IQANK1: variants seen among roughly 807,000 people sequenced by gnomAD.
IQANK1 encodes the protein IQ motif and ankyrin repeat containing 1.
A neutral mutation model predicts 22.6 loss-of-function variants in IQANK1; 30 were observed. The ratio of observed to expected loss-of-function variants is 1.33; its 90% CI spans 0.99 to 1.80. The LOEUF is 1.80. Ranked by LOEUF, IQANK1 falls within the 40% of genes most tolerant of loss-of-function variation. The probability of loss-of-function intolerance (pLI) is 0.00; values close to 1 mark genes in which losing one functional copy is unlikely to be tolerated. For synonymous variants in IQANK1, 122 were observed against 99.6 expected (o/e 1.23, Z -1.34); for missense variants, 275 against 235.2 (o/e 1.17, Z -1.11).
rs561670078 is a variant in IQANK1, at chr8:143,757,795, C to A, written c.176-13693C>A. ...TTTTGAGTAGCTAGGATTTTACAGG[C>A]CACTGTGCCTGGTGTATTTCATCTT... On this transcript the variant is annotated intron_variant, in intron 3 of 13. Coordinates refer to ENST00000527139, the MANE Select transcript of IQANK1 (RefSeq NM_001381874.1). Among the ~76,000 whole-genome samples, 121 of 152,262 alleles carry A rather than the reference C, an allele frequency of 7.9e-4. 1 individual carries two copies. Among genetic ancestry groups the A allele is most frequent in the African/African-American group, 2.8e-3 (117 of 41,560 alleles).
At chr8:143,734,900 C>T (rs1554625442) in intron 1 of IQANK1, among the ~76,000 whole-genome samples, 1 of 151,792 alleles carries the variant, frequency 6.6e-6, no homozygotes, top group East Asian at 1.9e-4. Context: ...CCAGGTCCCC[C>T]TCAGGCCCTC....
intron 3 of IQANK1, among the ~76,000 whole-genome samples, chr8:143,748,962 T>C: frequency 8.6e-6 from 1 of 115,740 alleles, no homozygotes; most frequent in South Asian, 2.5e-4. Context: ...TATATAAATA[T>C]ATATCATATA....
chr8:143,764,789 A>C (rs1554629106), intron 3 of IQANK1, among the ~76,000 whole-genome samples: 1 of 152,242 alleles, frequency 6.6e-6, no homozygotes, highest in Non-Finnish European at 1.5e-5. Context: ...TTTTAAAAAT[A>C]AAATGTTAAA....
chr8:143,789,334 G>A (rs1274788527), intron 9 of IQANK1, 91 bp downstream of exon 9: 4 of 526,774 alleles, frequency 7.6e-6, no homozygotes, highest in Non-Finnish European at 5.8e-6. Context: ...GAAGCTGGGG[G>A]AAGAGCCAGG....
intron 3 of IQANK1, among the ~76,000 whole-genome samples, chr8:143,761,171 G>C (rs1359878529): frequency 2.6e-5 from 4 of 152,196 alleles, no homozygotes; most frequent in Admixed American, 6.5e-5. Context: ...CCGCGCGCCC[G>C]AGAAGGGACC....
At chr8:143,738,682 G>A (rs984943012) in intron 2 of IQANK1, among the ~76,000 whole-genome samples, 2 of 152,176 alleles carry the variant, frequency 1.3e-5, no homozygotes, top group Non-Finnish European at 2.9e-5. Flanking sequence ...TGCCCTGGGC[G>A]GCACCAATGC....
chr8:143,749,182 T>C (rs1554627703), intron 3 of IQANK1, among the ~76,000 whole-genome samples: 1 of 123,408 alleles, frequency 8.1e-6, no homozygotes, highest in African/African-American at 3.3e-5. Flanking sequence ...ATATAATATA[T>C]AAATATATAT....
chr8:143,789,098 C>G (rs1251778326), intron 8 of IQANK1, 35 bp downstream of exon 8: 2 of 401,456 alleles, frequency 5.0e-6, no homozygotes, highest in African/African-American at 4.1e-5. Flanking sequence ...GCGAGGGGTG[C>G]TGGCAAGGGG....
chr8:143,777,332 A>G (rs1554630515), intron 7 of IQANK1, among the ~76,000 whole-genome samples: 1 of 151,866 alleles, frequency 6.6e-6, no homozygotes, highest in African/African-American at 2.4e-5. Context: ...GCTGGCTAAC[A>G]TGGTGAAACC....
intron 3 of IQANK1, among the ~76,000 whole-genome samples, chr8:143,741,053 C>T (rs1173117155): frequency 6.6e-6 from 1 of 152,174 alleles, no homozygotes; most frequent in Non-Finnish European, 1.5e-5. Flanking sequence ...CGAGGCTCTG[C>T]CCGGGACCGT....
At chr8:143,759,877 C>T (rs1044141552) in intron 3 of IQANK1, 1 of 152,224 alleles carries the variant, frequency 6.6e-6, no homozygotes, top group Admixed American at 6.5e-5. Context: ...CCCTGTGGGT[C>T]ACAGAGCTGA....
chr8:143,786,108 A>G (rs923990525), intron 7 of IQANK1, among the ~76,000 whole-genome samples: 7 of 150,346 alleles, frequency 4.7e-5, no homozygotes, highest in Admixed American at 1.3e-4. Context: ...AGCAATCTGC[A>G]TGCCTCAGCC....
intron 3 of IQANK1, among the ~76,000 whole-genome samples, chr8:143,741,071 C>T (rs931442200): frequency 1.3e-5 from 2 of 152,322 alleles, no homozygotes; most frequent in South Asian, 4.1e-4. Flanking sequence ...CGTCTCCAAT[C>T]ATTCCTGTGT....
In IQANK1 at chr8:143,777,117, C is replaced by T. The variant is rs533341349; in HGVS notation, c.789+4635C>T. 2.2e-4 allele frequency among the ~76,000 whole-genome samples: 34 copies of T among 151,794 alleles called. No individual in the cohort carries two copies. The South Asian group carries it at 6.9e-3, about 31-fold the overall frequency. ...CTCCAGCCTGGGCGACAGAGCAAGACCCTATATAAGACACACACATATATA... is the reference window on the plus strand; with the variant it reads ...CTCCAGCCTGGGCGACAGAGCAAGATCCTATATAAGACACACACATATATA... On this transcript the variant is annotated intron_variant, in intron 7 of 13. Transcript: ENST00000527139.
intron 3 of IQANK1, among the ~76,000 whole-genome samples, chr8:143,750,907 T>A (rs782380259): frequency 6.6e-6 from 1 of 152,078 alleles, no homozygotes; most frequent in Non-Finnish European, 1.5e-5. Flanking sequence ...GCCATATAAC[T>A]TTTTTTGTCC....
intron 3 of IQANK1, among the ~76,000 whole-genome samples, chr8:143,767,850 A>G (rs1433792440): frequency 1.5e-5 from 2 of 133,510 alleles, no homozygotes; most frequent in African/African-American, 5.6e-5. Context: ...GAGCCACTGC[A>G]CTCCAGCCTG....
intron 7 of IQANK1, among the ~76,000 whole-genome samples, chr8:143,785,734 T>TC (rs1819873627): frequency 6.7e-6 from 1 of 150,014 alleles, no homozygotes; most frequent in African/African-American, 2.4e-5. Flanking sequence ...TATTTTTTTT[T>TC]TTTTTTCTCT....
chr8:143,736,157 T>TG (rs1478990620), intron 2 of IQANK1, among the ~76,000 whole-genome samples: 1 of 151,762 alleles, frequency 6.6e-6, no homozygotes, highest in African/African-American at 2.4e-5. Context: ...TTTTTTTTTT[T>TG]TGAGACGGAG....
At chr8:143,787,142 G>A (rs752164281) in intron 7 of IQANK1, among the ~76,000 whole-genome samples, 40 of 150,670 alleles carry the variant, frequency 2.7e-4, no homozygotes, top group South Asian at 4.2e-4. Flanking sequence ...ACTGGCAGAC[G>A]TGGGTTCAGT....
Sources: gnomAD v4.1 joint callset for allele counts (sites outside exome capture counted in the v4.1 genomes callset) on GRCh38, gnomAD v4.1.1 for gene constraint, MANE v1.5 for transcripts, NCBI Gene and HGNC (gene_info 2026-07-23, HGNC 2026-07-21) for gene names.